TTLL10: variants seen among roughly 807,000 people sequenced by gnomAD.
The protein encoded by TTLL10 is tubulin tyrosine ligase like 10.
TTLL10 carries 61 observed loss-of-function variants against 69.0 expected under a neutral mutation model. The observed-to-expected ratio is 0.88, with a 90% CI of 0.72 to 1.09. TTLL10 has a LOEUF of 1.09. Ranked by LOEUF, TTLL10 falls within the 50% of genes least tolerant of loss-of-function variation. The probability of loss-of-function intolerance (pLI) is 0.00; values close to 1 mark genes in which losing one functional copy is unlikely to be tolerated. For missense variants in TTLL10, 962 were observed against 945.9 expected, an observed-to-expected ratio of 1.02 and a Z score of -0.22; for synonymous variants, 408 against 393.3, an observed-to-expected ratio of 1.04 and a Z score of -0.44.
At chr1:1,176,353 C>T (rs1043043628) in intron 3 of TTLL10, 7 of 452,422 alleles carry the variant, frequency 1.5e-5, no homozygotes, top group Admixed American at 2.4e-5. Flanking sequence ...GAGAGGCTGA[C>T]GCTGTGCAGC....
chr1:1,185,667 G>A lies in TTLL10; in HGVS notation c.1401+558G>A, dbSNP rs963701633. The A allele has an allele frequency of 4.0e-5, 39 of 985,518 alleles. No homozygotes were observed. The highest frequency in any genetic ancestry group is 1.9e-4 in the South Asian group (4 of 21,310). The allele number at this position is 985,518 out of a possible 1,614,324, so 61.0% of individuals were successfully genotyped here. On this transcript the variant is annotated intron_variant, in intron 13 of 15. Coordinates refer to ENST00000379289, the MANE Select transcript of TTLL10 (RefSeq NM_001130045.2). This position sits in a 1 kb window ranked among gnomAD's most constrained non-coding sequence, Gnocchi z 6.1. ...ACTGGGATAAAAACGGGGCTTGGCC[G>A]AAGGACTTTTATCTGTCTTGGTCAC...
chr1:1,182,415 C>T lies in TTLL10; in HGVS notation c.885C>T (p.His295=), dbSNP rs139967804. Residue 295 remains histidine (H), a synonymous_variant, in exon 10 of 16, where the codon CAC becomes CAT. Coordinates refer to ENST00000379289, the MANE Select transcript of TTLL10 (RefSeq NM_001130045.2). ...AGACCTACCGCCTGGACCTCAAACA[C>T]GAGAGAGAGGCCTTTTTCACCTTGT... ...FPETYRLDLK[H]EREAFFTLFD... is the part of the protein sequence containing the mutation. The T allele has an allele frequency of 6.8e-6, 11 of 1,613,872 alleles. No homozygotes were observed. The highest frequency in any genetic ancestry group is 6.7e-5 in the East Asian group (3 of 44,892).
intron 11 of TTLL10, 152 bp from the exon 12 acceptor site, chr1:1,183,768 C>T (rs1647153121): frequency 3.0e-6 from 3 of 996,564 alleles, no homozygotes; most frequent in Non-Finnish European, 4.5e-6. Context: ...CTGACATATT[C>T]AGGCCCAGAA....
At chr1:1,175,507 C>T (rs1036845890) in intron 3 of TTLL10, 42 of 370,412 alleles carry the variant, frequency 1.1e-4, no homozygotes, top group Admixed American at 9.0e-4. Context: ...CCGGCCTCCC[C>T]GGGTGGTGCC....
rs1647009878 is a variant in TTLL10, at chr1:1,180,315, A to G, written c.481A>G (p.Ile161Val). Residue 161 changes from isoleucine (I) to valine (V), a missense_variant, in exon 6 of 16, where the codon ATT (isoleucine) becomes GTT (valine). Ile to Val is a conservative substitution (Grantham distance 29, BLOSUM62 3). Transcript: ENST00000379289. ...HSTRPGPFFYIGGSNGATIIS... is the reference protein window; with the variant it reads ...HSTRPGPFFYVGGSNGATIIS... The stretch of plus-strand genomic sequence containing the variant: ...CACCCGGCCGGGGCCCTTCTTCTAC[A>G]TTGGAGGCAGCAACGGGGCCACAAT... 2 of 1,582,250 alleles carry G rather than the reference A, an allele frequency of 1.3e-6. No homozygotes were observed. Among genetic ancestry groups the G allele is most frequent in the African/African-American group, 2.7e-5 (2 of 74,070 alleles).
chr1:1,183,262 TAGTC>T (rs1180019852), intron 11 of TTLL10, among the ~76,000 whole-genome samples: 3 of 152,164 alleles, frequency 2.0e-5, no homozygotes, highest in African/African-American at 4.8e-5. Flanking sequence ...GTTGAGGGGT[TAGTC>T]AGTTTGTCCT....
At position 1,182,870 on chromosome 1, in the gene TTLL10, C is replaced by CT. The variant is rs1647117749; in HGVS notation, c.917-5dup. 1 of 1,567,196 alleles carries CT rather than the reference C, an allele frequency of 6.4e-7. No homozygotes were observed. The highest frequency in any genetic ancestry group is 1.4e-5 in the African/African-American group (1 of 73,942). The stretch of plus-strand genomic sequence containing the variant: ...AGGCCAGGGGCTCAGGCCGCGCTCT[C>CT]TGCAGAAACCCAGATATGGATCTGC... On this transcript the variant is annotated splice_region_variant and splice_polypyrimidine_tract_variant and intron_variant, in intron 10 of 15. Coordinates refer to ENST00000379289, the MANE Select transcript of TTLL10 (RefSeq NM_001130045.2).
In TTLL10 at chr1:1,180,122, C is replaced by T; in HGVS notation, c.288C>T (p.His96=). The T allele has an allele frequency of 6.2e-7, 1 of 1,611,576 alleles. No individual in the cohort carries two copies. Among genetic ancestry groups the T allele is most frequent in the Non-Finnish European group, 8.5e-7 (1 of 1,179,464 alleles). Residue 96 remains histidine, a synonymous_variant, in exon 6 of 16, where the codon CAC becomes CAT. Transcript: ENST00000379289. ...AGCCAGACCACGACGCAGATGGACA[C>T]TGTGGGCCGGACCTGGAGGGGGCAG... ...PSQPDHDADG[H]CGPDLEGAER...
Position 1,183,953 on chromosome 1 carries a change from A to G in TTLL10, c.1122A>G (p.Arg374=), listed in dbSNP as rs754713284. The G allele has an allele frequency of 3.8e-5, 62 of 1,613,968 alleles. No individual in the cohort carries two copies. The highest frequency in any genetic ancestry group is 2.8e-4 in the Admixed American group (17 of 59,998). ...AGAACCCGCTGCTGGTGGACGGGAG[A>G]AAGTTTGACGTGCGCTCCTACCTGC... ...YIQNPLLVDG[R]KFDVRSYLLI... Residue 374 remains arginine (R), a synonymous_variant, in exon 12 of 16, where the codon AGA becomes AGG. Coordinates refer to ENST00000379289, the MANE Select transcript of TTLL10 (RefSeq NM_001130045.2).
intron 3 of TTLL10, chr1:1,174,728 G>A (rs1298624032): frequency 2.0e-5 from 3 of 152,234 alleles, no homozygotes; most frequent in Non-Finnish European, 4.4e-5. Context: ...ATCGACAGGC[G>A]TGAGGAGCCA....
At position 1,183,918 on chromosome 1, in the gene TTLL10, A is replaced by G. The variant is rs775761321; in HGVS notation, c.1089-2A>G. On this transcript the variant is annotated splice_acceptor_variant, in intron 11 of 15. Transcript: ENST00000379289. LOFTEE classifies it high-confidence loss of function. ...CCAGCAGCCCCGACATGGTGCCCCCAGGTACATCCAGAACCCGCTGCTGGT... is the reference window on the plus strand; with the variant it reads ...CCAGCAGCCCCGACATGGTGCCCCCGGGTACATCCAGAACCCGCTGCTGGT... The G allele has an allele frequency of 1.9e-6, 3 of 1,614,096 alleles. No individual in the cohort carries two copies. The highest frequency in any genetic ancestry group is 1.7e-5 in the Admixed American group (1 of 60,030).
At position 1,185,990 on chromosome 1, in the gene TTLL10, T is replaced by A. The variant is rs147100606; in HGVS notation, c.1401+881T>A. 1.0e-4 allele frequency: 28 copies of A among 270,538 alleles called. No homozygotes were observed. Among genetic ancestry groups the A allele is most frequent in the Middle Eastern group, 1.8e-3 (1 of 544 alleles). The allele number at this position is 270,538 out of a possible 1,614,324, so 16.8% of individuals were successfully genotyped here. On this transcript the variant is annotated intron_variant, in intron 13 of 15. Coordinates refer to ENST00000379289, the MANE Select transcript of TTLL10 (RefSeq NM_001130045.2). This position sits in a 1 kb window ranked among gnomAD's most constrained non-coding sequence, Gnocchi z 6.1. ...CCATCACAGCTACATTGCCGGCCAT[T>A]CCTGGTCACCGCTGATGGACCTTCT...
intron 10 of TTLL10, 61 bp from the exon 11 acceptor site, chr1:1,182,815 C>T: frequency 6.7e-7 from 1 of 1,496,760 alleles, no homozygotes; most frequent in Non-Finnish European, 8.9e-7. Context: ...CTGGTCGGGC[C>T]CTAGGAGGGG....
At chr1:1,190,444 T>C (rs1472675768) in intron 13 of TTLL10, among the ~76,000 whole-genome samples, 1 of 151,702 alleles carries the variant, frequency 6.6e-6, no homozygotes, top group Non-Finnish European at 1.5e-5. Flanking sequence ...TTTTTTTTTT[T>C]TGAGATGGAG....
At chr1:1,191,501 A>G (rs1647774766) in intron 13 of TTLL10, among the ~76,000 whole-genome samples, 1 of 152,226 alleles carries the variant, frequency 6.6e-6, no homozygotes, top group Non-Finnish European at 1.5e-5. Flanking sequence ...AAACTTGTTT[A>G]TGTCCCAGCA....
chr1:1,178,730 C>T (rs898558872), intron 3 of TTLL10, among the ~76,000 whole-genome samples: 2 of 152,112 alleles, frequency 1.3e-5, no homozygotes, highest in African/African-American at 4.8e-5. Flanking sequence ...CACCCAGGGG[C>T]GGCCGCAGAG....
Position 1,182,341 on chromosome 1 carries a change from C to G in TTLL10, c.831-20C>G, listed in dbSNP as rs1647097214. The G allele has an allele frequency of 6.2e-7, 1 of 1,610,162 alleles. No homozygotes were observed. The highest frequency in any genetic ancestry group is 8.5e-7 in the Non-Finnish European group (1 of 1,176,740). ...GGGCGAAGGGACAGCAGCTCATCCT[C>G]CTGCCTCCCTGCCCTGCAGGGTCCT... On this transcript the variant is annotated intron_variant, in intron 9 of 15. Transcript: ENST00000379289.
chr1:1,187,144 C>T (rs1277440858), intron 13 of TTLL10, among the ~76,000 whole-genome samples: 1 of 152,030 alleles, frequency 6.6e-6, no homozygotes, highest in Non-Finnish European at 1.5e-5. Context: ...CCGCGCCCGG[C>T]CAAAAGTTCT....
At chr1:1,182,568 C>G in intron 10 of TTLL10, 122 bp downstream of exon 10, 1 of 1,079,356 alleles carries the variant, frequency 9.3e-7, no homozygotes, top group East Asian at 2.4e-5. Flanking sequence ...TGGGACGAGA[C>G]GAGGTGGTCA....
Sources: gnomAD v4.1 joint callset for allele counts (sites outside exome capture counted in the v4.1 genomes callset) on GRCh38, gnomAD v4.1.1 for gene constraint, Gnocchi (gnomAD v3.1) non-coding constraint, MANE v1.5 for transcripts, NCBI Gene and HGNC (gene_info 2026-07-23, HGNC 2026-07-21) for gene names.